Variants in RBL1 observed in about 807,000 individuals in gnomAD.
The protein encoded by RBL1 is RB transcriptional corepressor like 1, also known as retinoblastoma-like protein 1.
In RBL1, 82 loss-of-function variants were observed where a neutral mutation model predicts 123.0. The observed-to-expected ratio is 0.67, with a 90% CI of 0.56 to 0.80. The LOEUF is 0.80. RBL1 is among the 30% of genes least tolerant of loss of function. The pLI, the probability that RBL1 is intolerant of heterozygous loss-of-function variation, is 0.00. For missense variants in RBL1, 1,171 were observed against 1,299.6 expected (o/e 0.90, Z 1.52); for synonymous variants, 405 against 441.3 (o/e 0.92, Z 1.03).
chr20:37,005,478 C>T (rs2064056133), intron 20 of RBL1, among the ~76,000 whole-genome samples: 1 of 151,530 alleles, frequency 6.6e-6, no homozygotes, highest in South Asian at 2.1e-4. Context: ...GCTCTCTCTA[C>T]ACACATACCT....
At chr20:37,035,161 A>G in intron 15 of RBL1, 81 bp downstream of exon 15, 1 of 1,339,740 alleles carries the variant, frequency 7.5e-7, no homozygotes, top group Non-Finnish European at 1.0e-6. Flanking sequence ...GAGTTAGAAA[A>G]ACCATGTGAT....
rs1390650726 is a variant in RBL1 at position 37,017,642 on chromosome 20, G to GTA, written c.2722+636_2722+637insTA. ...TTCTTGTGTGTGTGTGTGTGTGTGT[G>GTA]TGTGTGTGTGACAGAGTCTCACTTT... On this transcript the variant is annotated intron_variant, in intron 19 of 21. Transcript: ENST00000373664. Among the ~76,000 whole-genome samples, 34 of 151,660 alleles carry GTA rather than the reference G, an allele frequency of 2.2e-4. No homozygotes were observed. In the East Asian group the frequency reaches 6.4e-3, roughly 28 times the overall value.
intron 7 of RBL1, among the ~76,000 whole-genome samples, chr20:37,063,965 G>C (rs1162903428): frequency 2.6e-5 from 4 of 151,548 alleles, no homozygotes; most frequent in Admixed American, 6.6e-5. Flanking sequence ...TGGGACTACA[G>C]GCTCACGCCA....
In RBL1 at chr20:37,027,419, A is replaced by C. The variant is rs1452840401; in HGVS notation, c.2383-4593T>G. On this transcript the variant is annotated intron_variant, in intron 16 of 21. Transcript: ENST00000373664. ...AGACCCAGGTACTCGGAGGGTAATG[A>C]AAGAGGATCACTTGAGCCTAGGAGT... Among the ~76,000 whole-genome samples the C allele has an allele frequency of 2.6e-5, 4 of 152,326 alleles. No individual in the cohort carries two copies. In the South Asian group the frequency reaches 6.2e-4, roughly 24 times the overall value.
chr20:36,999,722 A>G (rs1423891270), intron 21 of RBL1, among the ~76,000 whole-genome samples: 13 of 152,294 alleles, frequency 8.5e-5, no homozygotes, highest in Middle Eastern at 6.8e-3. Context: ...TCCAGCTCCT[A>G]ACCGCGAGTG....
At chr20:37,018,228 C>A in intron 19 of RBL1, 51 bp downstream of exon 19, 3 of 1,542,230 alleles carry the variant, frequency 1.9e-6, no homozygotes, top group Non-Finnish European at 2.6e-6. Flanking sequence ...GTATTATGTA[C>A]AGTGTGATCC....
chr20:37,061,077 T>C, intron 9 of RBL1, 26 bp downstream of exon 9: 1 of 1,499,244 alleles, frequency 6.7e-7, no homozygotes, highest in Non-Finnish European at 8.9e-7. Flanking sequence ...AAAAGACATT[T>C]GGAAAAATAA....
chr20:37,003,480 G>A (rs2064019053), intron 21 of RBL1: 10 of 921,446 alleles, frequency 1.1e-5, no homozygotes, highest in Non-Finnish European at 1.4e-5. Context: ...AAACATGCTG[G>A]ACTTTCAAAG....
At chr20:37,044,392 C>T (rs962933809) in intron 12 of RBL1, 142 bp from the exon 13 acceptor site, 2 of 758,848 alleles carry the variant, frequency 2.6e-6, no homozygotes, top group Non-Finnish European at 2.0e-6. Flanking sequence ...GGCTGGAGTA[C>T]AGTGGTGTGA....
intron 20 of RBL1, among the ~76,000 whole-genome samples, chr20:37,005,110 C>T (rs1335982249): frequency 2.6e-5 from 4 of 151,796 alleles, no homozygotes; most frequent in African/African-American, 7.3e-5. Context: ...CATATTCATG[C>T]TTAAAAAGTA....
chr20:37,047,071 T>G lies in RBL1; in HGVS notation c.1587A>C (p.Gln529His), dbSNP rs757678961. 3.1e-5 allele frequency: 49 copies of G among 1,586,928 alleles called. No homozygotes were observed. The South Asian group carries it at 3.6e-4, about 12-fold the overall frequency. ...FPWIIEVLNL[Q>H]PFYFYKVIEV... ...ATCTCACCTTATAAAAGTAAAATGG[T>G]TGCAAGTTGAGAACTTCAATAATCC... is the stretch of plus-strand genomic sequence containing the variant. Residue 529 changes from glutamine to histidine, a missense_variant, in exon 12 of 22, where the codon CAA (glutamine) becomes CAC (histidine). Coordinates refer to ENST00000373664, the MANE Select transcript of RBL1 (RefSeq NM_002895.5).
intron 2 of RBL1, among the ~76,000 whole-genome samples, chr20:37,080,147 TTTTA>T (rs1447053725): frequency 3.3e-5 from 5 of 152,050 alleles, no homozygotes; most frequent in African/African-American, 1.2e-4. Context: ...AAAATATTTA[TTTTA>T]TTTATTTATT....
chr20:37,079,121 G>T (rs940117493), intron 2 of RBL1, among the ~76,000 whole-genome samples: 1 of 148,522 alleles, frequency 6.7e-6, no homozygotes, highest in African/African-American at 2.5e-5. Flanking sequence ...GGAGGACTGA[G>T]CCCAGGAGGT....
At chr20:37,062,307 T>C in intron 7 of RBL1, 37 bp from the exon 8 acceptor site, 1 of 1,590,634 alleles carries the variant, frequency 6.3e-7, no homozygotes, top group Non-Finnish European at 8.6e-7. Flanking sequence ...AATACTAAGT[T>C]ACACAATGGA....
At chr20:37,045,401 T>C (rs2064805381) in intron 12 of RBL1, among the ~76,000 whole-genome samples, 1 of 151,656 alleles carries the variant, frequency 6.6e-6, no homozygotes, top group Non-Finnish European at 1.5e-5. Context: ...CCACCGTGCC[T>C]GGCCCACATT....
intron 9 of RBL1, 63 bp from the exon 10 acceptor site, chr20:37,056,321 C>T (rs1045175290): frequency 3.4e-6 from 5 of 1,470,230 alleles, no homozygotes; most frequent in Non-Finnish European, 3.6e-6. Flanking sequence ...AAAAAGACTC[C>T]ACACCAGAAT....
chr20:37,068,317 C>T, intron 2 of RBL1, 131 bp from the exon 3 acceptor site: 2 of 1,313,950 alleles, frequency 1.5e-6, no homozygotes, highest in Non-Finnish European at 2.0e-6. Context: ...ATAGTTAAGA[C>T]CCCATCTCTA....
At chr20:37,034,426 AT>A (rs1438870542) in intron 15 of RBL1, among the ~76,000 whole-genome samples, 1 of 152,104 alleles carries the variant, frequency 6.6e-6, no homozygotes, top group Non-Finnish European at 1.5e-5. Context: ...AAAAAACAGA[AT>A]TTTTGCTCAA....
At chr20:37,005,907 T>C (rs1262202151) in intron 20 of RBL1, among the ~76,000 whole-genome samples, 2 of 144,768 alleles carry the variant, frequency 1.4e-5, no homozygotes, top group Non-Finnish European at 3.0e-5. Flanking sequence ...TTTTTTTTTT[T>C]TTTTTTGAGG....
Sources: allele counts gnomAD v4.1 joint callset (sites outside exome capture counted in the v4.1 genomes callset), GRCh38; gene constraint gnomAD v4.1.1; transcripts MANE v1.5; gene names NCBI Gene and HGNC (gene_info 2026-07-23, HGNC 2026-07-21).